Variants in PCDH15 observed in about 807,000 individuals in gnomAD.
PCDH15 encodes protocadherin related 15, also known as protocadherin-15.
A neutral mutation model predicts 178.5 loss-of-function variants in PCDH15; 129 were observed. The ratio of observed to expected loss-of-function variants is 0.72; its 90% CI spans 0.63 to 0.84. The LOEUF (loss-of-function observed/expected upper bound fraction) is 0.84, where lower values mean the gene tolerates loss of function less well. Ranked by LOEUF, PCDH15 falls within the 40% of genes least tolerant of loss-of-function variation. The pLI is 0.00. For missense variants in PCDH15, 2,230 were observed against 2,099.9 expected (o/e 1.06, Z -1.21); for synonymous variants, 800 against 732.0 (o/e 1.09, Z -1.50).
intron 2 of PCDH15, among the ~76,000 whole-genome samples, chr10:54,906,880 G>A (rs1052055964): frequency 2.0e-5 from 3 of 152,112 alleles, no homozygotes; most frequent in African/African-American, 7.2e-5. Flanking sequence ...TTAACATGCA[G>A]GCATCATGTT....
chr10:54,287,814 T>C (rs1455824149), intron 8 of PCDH15, among the ~76,000 whole-genome samples: 1 of 152,184 alleles, frequency 6.6e-6, no homozygotes, highest in Non-Finnish European at 1.5e-5. Flanking sequence ...TGGGATTCAA[T>C]TCTATTTAAG....
At chr10:55,253,223 T>G (rs1032694977) in intron 1 of PCDH15, among the ~76,000 whole-genome samples, 1 of 135,796 alleles carries the variant, frequency 7.4e-6, no homozygotes, top group Non-Finnish European at 1.6e-5. Context: ...AGAGAGAGAG[T>G]ATGTGCGTGT....
chr10:54,309,112 G>A (rs551165145), intron 8 of PCDH15, among the ~76,000 whole-genome samples: 3 of 152,170 alleles, frequency 2.0e-5, no homozygotes, highest in Non-Finnish European at 4.4e-5. Flanking sequence ...AAGGGACTCA[G>A]TGAGGATATA....
intron 8 of PCDH15, among the ~76,000 whole-genome samples, chr10:54,298,373 G>A (rs552782414): frequency 5.9e-5 from 9 of 152,240 alleles, no homozygotes; most frequent in Middle Eastern, 3.4e-3. Context: ...AAGAGGAACC[G>A]GCCCAAAAGG....
At chr10:54,111,173 T>A (rs1327379803) in intron 15 of PCDH15, among the ~76,000 whole-genome samples, 1 of 152,212 alleles carries the variant, frequency 6.6e-6, no homozygotes, top group Non-Finnish European at 1.5e-5. Context: ...GCTGACAGCA[T>A]GTGAAGCAAT....
At chr10:55,376,238 C>T (rs1837391850) in intron 2 of PCDH15, among the ~76,000 whole-genome samples, 1 of 151,962 alleles carries the variant, frequency 6.6e-6, no homozygotes, top group African/African-American at 2.4e-5. Flanking sequence ...TTTTAATTTT[C>T]TATTTTGTGA....
intron 8 of PCDH15, among the ~76,000 whole-genome samples, chr10:54,296,355 A>C (rs936664697): frequency 5.9e-5 from 9 of 151,854 alleles, no homozygotes; most frequent in Non-Finnish European, 7.4e-5. Context: ...CCAGGGTCCC[A>C]ACAACAAGTT....
chr10:55,241,194 C>T (rs910967858), intron 1 of PCDH15, among the ~76,000 whole-genome samples: 18 of 152,054 alleles, frequency 1.2e-4, no homozygotes, highest in Admixed American at 4.6e-4. Flanking sequence ...CCAGCCTGGG[C>T]GACAGAGCAA....
chr10:53,886,156 A>C (rs2081078059), intron 26 of PCDH15, among the ~76,000 whole-genome samples: 1 of 152,228 alleles, frequency 6.6e-6, no homozygotes. Flanking sequence ...GAGAATGTCT[A>C]TTTAGAGAAT....
chr10:54,956,222 T>C (rs1317957524), intron 2 of PCDH15, among the ~76,000 whole-genome samples: 1 of 151,364 alleles, frequency 6.6e-6, no homozygotes, highest in African/African-American at 2.4e-5. Flanking sequence ...GTGTATTATA[T>C]ATAAAATTTT....
At chr10:55,582,437 C>A (rs766594719) in intron 2 of PCDH15, among the ~76,000 whole-genome samples, 1 of 151,606 alleles carries the variant, frequency 6.6e-6, no homozygotes, top group East Asian at 1.9e-4. Flanking sequence ...TAATCAGATA[C>A]AATTTTTAGA....
intron 8 of PCDH15, among the ~76,000 whole-genome samples, chr10:54,272,460 T>C (rs781371595): frequency 6.6e-6 from 1 of 152,078 alleles, no homozygotes; most frequent in Non-Finnish European, 1.5e-5. Flanking sequence ...CTGTCAGATA[T>C]GGTAATTTGA....
intron 11 of PCDH15, among the ~76,000 whole-genome samples, chr10:54,189,550 T>A (rs2048775554): frequency 6.6e-6 from 1 of 152,134 alleles, no homozygotes; most frequent in Non-Finnish European, 1.5e-5. Flanking sequence ...ATAACGATAT[T>A]TATGAAGCAT....
intron 2 of PCDH15, among the ~76,000 whole-genome samples, chr10:55,418,195 A>G (rs995776727): frequency 6.6e-6 from 1 of 151,802 alleles, no homozygotes; most frequent in Non-Finnish European, 1.5e-5. Context: ...TGACTTTTTT[A>G]CTACTCTTCA....
intron 1 of PCDH15, among the ~76,000 whole-genome samples, chr10:55,289,375 G>A (rs1269049634): frequency 6.7e-6 from 1 of 149,028 alleles, no homozygotes; most frequent in African/African-American, 2.5e-5. Flanking sequence ...AGGGAAAAAA[G>A]AAAGAAAGAA....
chr10:55,226,440 C>A (rs1364142760), intron 1 of PCDH15, among the ~76,000 whole-genome samples: 1 of 71,138 alleles, frequency 1.4e-5, no homozygotes, highest in Non-Finnish European at 4.0e-5. Context: ...TCACTGCAAC[C>A]CTGCAACCCT....
intron 2 of PCDH15, among the ~76,000 whole-genome samples, chr10:55,599,077 G>T (rs2132141175): frequency 6.6e-6 from 1 of 152,198 alleles, no homozygotes; most frequent in Non-Finnish European, 1.5e-5. Flanking sequence ...AACAATGAAA[G>T]AACTATATCA....
Position 54,501,236 on chromosome 10 carries a change from T to C in PCDH15, c.157+26576A>G, listed in dbSNP as rs528380483. On this transcript the variant is annotated intron_variant, in intron 3 of 37. Transcript: ENST00000644397. The stretch of plus-strand genomic sequence containing the variant: ...TATCCCAGAAATTAAAGTATAATAA[T>C]AAAAAAAAAAAAGGTTCCACAAGGT... Among the ~76,000 whole-genome samples the C allele has an allele frequency of 1.9e-3, 207 of 107,558 alleles. 1 individual carries two copies. Among genetic ancestry groups the C allele is most frequent in the African/African-American group, 6.6e-3 (192 of 29,286 alleles). The allele number at this position is 107,558 out of a possible 152,430, so 70.6% of individuals were successfully genotyped here.
At chr10:55,547,069 G>T (rs997418) in intron 2 of PCDH15, among the ~76,000 whole-genome samples, 1 of 151,962 alleles carries the variant, frequency 6.6e-6, no homozygotes, top group Non-Finnish European at 1.5e-5. Context: ...CCCATTAGAG[G>T]AGTTTTGCTC....
Sources: gnomAD v4.1 joint callset for allele counts (sites outside exome capture counted in the v4.1 genomes callset) on GRCh38, gnomAD v4.1.1 for gene constraint, MANE v1.5 for transcripts, NCBI Gene and HGNC (gene_info 2026-07-23, HGNC 2026-07-21) for gene names.